The following PITPNM3 variants were observed in gnomAD, a reference collection of about 807,000 sequenced individuals.
PITPNM3 encodes membrane-associated phosphatidylinositol transfer protein 3.
Under a neutral mutation model 102.0 loss-of-function variants are expected in PITPNM3, and 26 were observed. That is an observed-to-expected ratio of 0.25 (90% CI 0.19 to 0.35). The LOEUF is 0.35. Ranked by LOEUF, PITPNM3 falls within the 10% of genes least tolerant of loss-of-function variation. PITPNM3 has a pLI of 1.00. For missense variants in PITPNM3, 1,083 were observed against 1,346.1 expected, an observed-to-expected ratio of 0.80 and a Z score of 3.06; for synonymous variants, 578 against 558.6, an observed-to-expected ratio of 1.03 and a Z score of -0.49.
chr17:6,501,315 C>T (rs1276406998), intron 4 of PITPNM3, among the ~76,000 whole-genome samples: 1 of 152,142 alleles, frequency 6.6e-6, no homozygotes, highest in Non-Finnish European at 1.5e-5. Context: ...TCTCTGGGGC[C>T]TCGCTGGCCA....
Position 6,537,872 on chromosome 17 carries a change from G to A in PITPNM3, c.118+115C>T. ...ACAGGATGGGTAAGTATGGAGTGTG[G>A]AGCTGCAGATACCACGTCTGAGTGG... On this transcript the variant is annotated intron_variant, in intron 2 of 19. Coordinates refer to ENST00000262483, the MANE Select transcript of PITPNM3 (RefSeq NM_031220.4). This position sits in a 1 kb window ranked among gnomAD's most constrained non-coding sequence, Gnocchi z 4.4. 2.3e-6 allele frequency: 2 copies of A among 851,532 alleles called. No homozygotes were observed. Among genetic ancestry groups the A allele is most frequent in the South Asian group, 1.4e-5 (1 of 69,806 alleles). 52.7% of individuals were successfully genotyped at this position (851,532 alleles called of 1,614,324 possible). A position where few individuals can be genotyped will look rare whatever the true frequency, so the allele number is the denominator to read the frequency against.
At chr17:6,548,683 T>C (rs990632474) in intron 1 of PITPNM3, among the ~76,000 whole-genome samples, 1 of 152,090 alleles carries the variant, frequency 6.6e-6, no homozygotes, top group Admixed American at 6.5e-5. Context: ...CTTCCAGCTG[T>C]CAGCCCCGAG....
chr17:6,506,999 C>T (rs189991596), intron 3 of PITPNM3, among the ~76,000 whole-genome samples: 3 of 152,354 alleles, frequency 2.0e-5, no homozygotes, highest in African/African-American at 4.8e-5. Flanking sequence ...CTCTATGGCA[C>T]TGCCAGCCCA....
Position 6,469,316 on chromosome 17 carries a change from C to G in PITPNM3, c.1773+944G>C, listed in dbSNP as rs1258738461. Reference sequence around the variant, plus strand: ...CTCACACTTCACACACCCAGACAGTCGTGGATGTGCCACGTGGGGCACAGG... The same window carrying G: ...CTCACACTTCACACACCCAGACAGTGGTGGATGTGCCACGTGGGGCACAGG... On this transcript the variant is annotated intron_variant, in intron 13 of 19. Transcript: ENST00000262483. The surrounding 1 kb of genome is among the most constrained non-coding windows in gnomAD (Gnocchi z 4.0). Among the ~76,000 whole-genome samples the G allele has an allele frequency of 6.6e-6, 1 of 152,170 alleles. No homozygotes were observed. Among genetic ancestry groups the G allele is most frequent in the African/African-American group, 2.4e-5 (1 of 41,444 alleles).
At chr17:6,466,188 C>T (rs1261193043) in intron 14 of PITPNM3, among the ~76,000 whole-genome samples, 1 of 151,996 alleles carries the variant, frequency 6.6e-6, no homozygotes, top group Non-Finnish European at 1.5e-5. Context: ...TAGGTGCCAT[C>T]CCTGGCCCTG....
intron 1 of PITPNM3, among the ~76,000 whole-genome samples, chr17:6,544,633 C>G (rs1909912757): frequency 1.1e-5 from 1 of 94,572 alleles, no homozygotes; most frequent in Non-Finnish European, 2.0e-5. Flanking sequence ...GTGTCTCTCT[C>G]TCTCTCTCTC....
chr17:6,507,945 G>A (rs1173593271), intron 3 of PITPNM3, among the ~76,000 whole-genome samples: 1 of 151,852 alleles, frequency 6.6e-6, no homozygotes, highest in African/African-American at 2.4e-5. Context: ...AAGTTGGGGA[G>A]GTGGGCAAGG....
intron 2 of PITPNM3, among the ~76,000 whole-genome samples, chr17:6,532,694 A>G (rs978635526): frequency 1.1e-4 from 16 of 152,142 alleles, no homozygotes; most frequent in African/African-American, 3.6e-4. Flanking sequence ...CTGTACCACA[A>G]TTTGTTCACT....
Position 6,471,367 on chromosome 17 carries a change from A to T in PITPNM3, c.1430-12T>A. On this transcript the variant is annotated splice_polypyrimidine_tract_variant and intron_variant, in intron 11 of 19. Transcript: ENST00000262483. ...GTGTAGGGCATCAGCTGGAGGGGGA[A>T]TTTCAAGGTCAGGCTGAGTCACGTG... 6.4e-7 allele frequency: 1 copy of T among 1,573,002 alleles called. No homozygotes were observed. The highest frequency in any genetic ancestry group is 1.1e-5 in the South Asian group (1 of 87,706).
intron 2 of PITPNM3, among the ~76,000 whole-genome samples, chr17:6,533,088 G>C (rs185051296): frequency 1.3e-5 from 2 of 151,908 alleles, no homozygotes; most frequent in African/African-American, 4.8e-5. Context: ...TCAGCCTCCC[G>C]AGTAGCTGGG....
At chr17:6,479,102 T>C (rs572726290) in intron 6 of PITPNM3, 18 of 225,514 alleles carry the variant, frequency 8.0e-5, no homozygotes, top group Non-Finnish European at 7.1e-5. Context: ...GAACATATCA[T>C]CATGGCAGAC....
At chr17:6,512,581 C>A (rs923175486) in intron 3 of PITPNM3, among the ~76,000 whole-genome samples, 7 of 152,114 alleles carry the variant, frequency 4.6e-5, no homozygotes, top group Admixed American at 2.0e-4. Context: ...AGAAATGTGA[C>A]CCCCAAAGTC....
chr17:6,545,895 C>A (rs1276466456), intron 1 of PITPNM3, among the ~76,000 whole-genome samples: 1 of 152,240 alleles, frequency 6.6e-6, no homozygotes, highest in Non-Finnish European at 1.5e-5. Flanking sequence ...AGGCTCCTAT[C>A]CTGTGCCAGG....
At chr17:6,529,339 A>C (rs936506764) in intron 2 of PITPNM3, among the ~76,000 whole-genome samples, 1 of 152,312 alleles carries the variant, frequency 6.6e-6, no homozygotes, top group East Asian at 1.9e-4. Flanking sequence ...TCACACCTGT[A>C]ATCCCAGCAC....
At chr17:6,464,552 G>T in intron 15 of PITPNM3, 103 bp downstream of exon 15, 2 of 1,266,108 alleles carry the variant, frequency 1.6e-6, no homozygotes, top group Non-Finnish European at 1.1e-6. Context: ...TCCACCCCAG[G>T]CAGCTCGGCC....
chr17:6,498,409 C>G (rs1906969000), intron 4 of PITPNM3, among the ~76,000 whole-genome samples: 3 of 152,228 alleles, frequency 2.0e-5, no homozygotes, highest in Non-Finnish European at 4.4e-5. Context: ...TGTATGGAGG[C>G]AAGGTTCACG....
Position 6,455,586 on chromosome 17 carries a change from G to C in PITPNM3, c.2677C>G (p.Arg893Gly). The change falls in exon 20 of 20, where the codon CGC becomes GGC. Residue 893 changes from arginine (R) to glycine (G), a missense_variant. By Grantham distance (125) the Arg-to-Gly change is moderately radical. Around this residue, in one of 5 missense-constraint regions of PITPNM3, gnomAD observed 208 missense variants for 178.2 expected, o/e 1.17. Coordinates refer to ENST00000262483, the MANE Select transcript of PITPNM3 (RefSeq NM_031220.4). Reference protein sequence around the residue: ...LAALEASHRSRPKKNNSRMIL... With the variant: ...LAALEASHRSGPKKNNSRMIL... ...ATGCGCGAGTTGTTCTTCTTTGGGC[G>C]TGAGCGGTGGCTGGCCTCCAGCGCG... is the stretch of plus-strand genomic sequence containing the variant. 3 of 1,597,024 alleles carry C rather than the reference G, an allele frequency of 1.9e-6. No homozygotes were observed. The highest frequency in any genetic ancestry group is 2.2e-5 in the South Asian group (2 of 90,812).
intron 14 of PITPNM3, among the ~76,000 whole-genome samples, chr17:6,467,071 A>ACAAAAAAAC (rs1246883598): frequency 1.1e-4 from 2 of 18,048 alleles, no homozygotes; most frequent in African/African-American, 1.1e-3. Context: ...TCAAAACAAA[A>ACAAAAAAAC]AAAAAAAACC....
chr17:6,462,318 C>G (rs147541727), intron 17 of PITPNM3, among the ~76,000 whole-genome samples: 1 of 152,154 alleles, frequency 6.6e-6, no homozygotes, highest in Non-Finnish European at 1.5e-5. Context: ...TCCAGCTCCC[C>G]AGCGCCCTGA....
Sources: allele counts gnomAD v4.1 joint callset (sites outside exome capture counted in the v4.1 genomes callset), GRCh38; gene constraint gnomAD v4.1.1; regional missense constraint gnomAD v4.1.1; non-coding constraint Gnocchi (gnomAD v3.1); transcripts MANE v1.5; gene names NCBI Gene and HGNC (gene_info 2026-07-23, HGNC 2026-07-21).